Variants in ADAMTS19 observed in about 807,000 individuals in gnomAD.
ADAMTS19 encodes ADAM metallopeptidase with thrombospondin type 1 motif 19.
Under a neutral mutation model 153.3 loss-of-function variants are expected in ADAMTS19, and 93 were observed. The ratio of observed to expected loss-of-function variants is 0.61; its 90% CI spans 0.51 to 0.72. ADAMTS19 has a LOEUF of 0.72. ADAMTS19 is among the 30% of genes least tolerant of loss of function. ADAMTS19 has a pLI of 0.00. For missense variants in ADAMTS19, 1,482 were observed against 1,552.1 expected (o/e 0.95, Z 0.76); for synonymous variants, 600 against 556.6 (o/e 1.08, Z -1.10).
chr5:129,606,274 G>A (rs1750888224), intron 8 of ADAMTS19, among the ~76,000 whole-genome samples: 1 of 152,086 alleles, frequency 6.6e-6, no homozygotes, highest in Non-Finnish European at 1.5e-5. Flanking sequence ...TAGAATAGAG[G>A]GGAGGGCCAG....
chr5:129,531,770 G>C (rs771056339), intron 6 of ADAMTS19, among the ~76,000 whole-genome samples: 11 of 152,024 alleles, frequency 7.2e-5, no homozygotes, highest in Non-Finnish European at 1.6e-4. Context: ...TAAAGGTTTG[G>C]AAATCAAGAT....
At chr5:129,586,373 C>T (rs1749802616) in intron 7 of ADAMTS19, among the ~76,000 whole-genome samples, 1 of 152,136 alleles carries the variant, frequency 6.6e-6, no homozygotes, top group African/African-American at 2.4e-5. Context: ...GATCTTTTTA[C>T]TTTTGCCATA....
At chr5:129,571,665 A>G (rs1753913507) in intron 7 of ADAMTS19, among the ~76,000 whole-genome samples, 1 of 151,814 alleles carries the variant, frequency 6.6e-6, no homozygotes. Flanking sequence ...GATATAGACA[A>G]GATGATTCTA....
intron 3 of ADAMTS19, among the ~76,000 whole-genome samples, chr5:129,522,316 T>TATATACACACACACACACACACAC (rs1249492013): frequency 2.2e-5 from 2 of 91,968 alleles, no homozygotes; most frequent in African/African-American, 9.4e-5. Flanking sequence ...TATATATATA[T>TATATACACACACACACACACACAC]ACACACACAC....
At chr5:129,477,350 T>G (rs1750258996) in intron 2 of ADAMTS19, among the ~76,000 whole-genome samples, 1 of 152,218 alleles carries the variant, frequency 6.6e-6, no homozygotes, top group South Asian at 2.1e-4. Flanking sequence ...TTTTGCATTT[T>G]CAATTTCTGT....
chr5:129,684,199 G>C lies in ADAMTS19; in HGVS notation c.2744G>C (p.Ser915Thr). ...TCAGACCCTCTTCCAGAAAACCAGA[G>C]CTCTAAAGCACCTGAGCCCCTCTTC... is the stretch of plus-strand genomic sequence containing the variant. ...IPSDPLPENQ[S>T]SKAPEPLFMW... The change falls in exon 18 of 23, where the codon AGC becomes ACC. Residue 915 changes from serine to threonine, a missense_variant. This residue lies in a region of ADAMTS19 where 616 missense variants were observed against 724.4 expected (regional missense o/e 0.85). Transcript: ENST00000274487. 6.2e-7 allele frequency: 1 copy of C among 1,614,172 alleles called. No homozygotes were observed. The highest frequency in any genetic ancestry group is 8.5e-7 in the Non-Finnish European group (1 of 1,180,032).
At chr5:129,658,114 G>T (rs1197895144) in intron 14 of ADAMTS19, among the ~76,000 whole-genome samples, 1 of 151,716 alleles carries the variant, frequency 6.6e-6, no homozygotes, top group Non-Finnish European at 1.5e-5. Flanking sequence ...GTGAAACCTT[G>T]TCTCAACAAA....
At chr5:129,522,871 C>T (rs1449862769) in intron 3 of ADAMTS19, among the ~76,000 whole-genome samples, 1 of 152,076 alleles carries the variant, frequency 6.6e-6, no homozygotes, top group African/African-American at 2.4e-5. Context: ...GACTGACCAA[C>T]ATGGCGAAAC....
chr5:129,668,518 G>A (rs1018102260), intron 16 of ADAMTS19, among the ~76,000 whole-genome samples: 2 of 152,142 alleles, frequency 1.3e-5, no homozygotes, highest in African/African-American at 2.4e-5. Flanking sequence ...GGTGGAAGGA[G>A]CTAGCTAGCT....
At chr5:129,512,370 AC>A (rs1751467655) in intron 3 of ADAMTS19, among the ~76,000 whole-genome samples, 1 of 152,072 alleles carries the variant, frequency 6.6e-6, no homozygotes. Flanking sequence ...GAATAATTCT[AC>A]ATTTCTTCTC....
intron 18 of ADAMTS19, among the ~76,000 whole-genome samples, chr5:129,684,714 G>A (rs143984575): frequency 2.0e-5 from 3 of 151,956 alleles, no homozygotes; most frequent in East Asian, 3.9e-4. Flanking sequence ...TGGGCCGGGC[G>A]CGGTGGCTCA....
chr5:129,654,548 T>C, intron 14 of ADAMTS19, 115 bp downstream of exon 14: 2 of 1,183,150 alleles, frequency 1.7e-6, no homozygotes, highest in Admixed American at 2.6e-5. Flanking sequence ...GATGTTGCTA[T>C]AGTCCTGCCT....
At chr5:129,516,234 G>A (rs1215282617) in intron 3 of ADAMTS19, among the ~76,000 whole-genome samples, 1 of 149,724 alleles carries the variant, frequency 6.7e-6, no homozygotes, top group Non-Finnish European at 1.5e-5. Flanking sequence ...AGAAATATTA[G>A]CCTGTAGTTT....
chr5:129,566,029 T>C (rs1581092219), intron 7 of ADAMTS19, among the ~76,000 whole-genome samples: 1 of 152,174 alleles, frequency 6.6e-6, no homozygotes, highest in Non-Finnish European at 1.5e-5. Context: ...AGTTCTACTA[T>C]GGTGTATAGA....
At chr5:129,627,062 C>T (rs907723894) in intron 10 of ADAMTS19, among the ~76,000 whole-genome samples, 4 of 152,054 alleles carry the variant, frequency 2.6e-5, no homozygotes, top group East Asian at 1.9e-4. Flanking sequence ...TGGGTCATGT[C>T]GTGAGATGCC....
intron 2 of ADAMTS19, among the ~76,000 whole-genome samples, chr5:129,476,008 T>G (rs1441316452): frequency 2.0e-5 from 3 of 152,176 alleles, no homozygotes; most frequent in Non-Finnish European, 4.4e-5. Flanking sequence ...TCTTAAACAA[T>G]GCAAAACCGA....
At chr5:129,531,897 A>C (rs528878223) in intron 6 of ADAMTS19, among the ~76,000 whole-genome samples, 17 of 152,308 alleles carry the variant, frequency 1.1e-4, no homozygotes, top group Non-Finnish European at 2.2e-4. Context: ...TAATTCAGTT[A>C]TAAAAATAAT....
chr5:129,466,470 C>A (rs1442338402), intron 2 of ADAMTS19, among the ~76,000 whole-genome samples: 2 of 151,398 alleles, frequency 1.3e-5, no homozygotes, highest in East Asian at 1.9e-4. Flanking sequence ...AAAATAGGAA[C>A]AAACTGCTAT....
At chr5:129,507,413 T>C (rs1751300158) in intron 2 of ADAMTS19, among the ~76,000 whole-genome samples, 1 of 152,030 alleles carries the variant, frequency 6.6e-6, no homozygotes, top group Non-Finnish European at 1.5e-5. Context: ...ATTTTCTTGT[T>C]TCTCATTAAA....
Sources: gnomAD v4.1 joint callset for allele counts (sites outside exome capture counted in the v4.1 genomes callset) on GRCh38, gnomAD v4.1.1 for gene constraint, gnomAD v4.1.1 regional missense constraint, MANE v1.5 for transcripts, NCBI Gene and HGNC (gene_info 2026-07-23, HGNC 2026-07-21) for gene names.